Variants in SENP6 observed in about 807,000 individuals in gnomAD.
SENP6 encodes sentrin-specific protease 6.
A neutral mutation model predicts 134.5 loss-of-function variants in SENP6; 41 were observed. The ratio of observed to expected loss-of-function variants is 0.30; its 90% CI spans 0.24 to 0.40. The LOEUF (loss-of-function observed/expected upper bound fraction) is 0.40. Ranked by LOEUF, SENP6 falls within the 10% of genes least tolerant of loss-of-function variation. The pLI is 1.00. For synonymous variants in SENP6, 395 were observed against 429.8 expected, an observed-to-expected ratio of 0.92 and a Z score of 1.00; for missense variants, 1,248 against 1,312.5, an observed-to-expected ratio of 0.95 and a Z score of 0.76.
chr6:75,678,987 C>T, intron 16 of SENP6, 60 bp downstream of exon 16: 1 of 837,722 alleles, frequency 1.2e-6, no homozygotes, highest in Non-Finnish European at 1.9e-6. Flanking sequence ...TATCTTATGT[C>T]TTTGTTTTCC....
rs78199624 is a variant in SENP6 at position 75,712,700 on chromosome 6, G to C, written c.2910-813G>C. Among the ~76,000 whole-genome samples, 31 of 152,024 alleles carry C rather than the reference G, an allele frequency of 2.0e-4. No homozygotes were observed. The East Asian group carries it at 6.0e-3, about 29-fold the overall frequency. ...TCAATATTTATATACAGAGTTATAT[G>C]GAGTGTTCTACAGAGTGTTCTGAAG... On this transcript the variant is annotated intron_variant, in intron 21 of 23. Transcript: ENST00000447266.
intron 19 of SENP6, 125 bp downstream of exon 19, chr6:75,703,197 T>TA: frequency 1.2e-6 from 1 of 814,678 alleles, no homozygotes. Flanking sequence ...GGCTCACGCT[T>TA]ATAATCCCAG....
At chr6:75,691,819 C>T (rs1330427283) in intron 16 of SENP6, among the ~76,000 whole-genome samples, 1 of 152,036 alleles carries the variant, frequency 6.6e-6, no homozygotes, top group Non-Finnish European at 1.5e-5. Context: ...TGGTCTCGAT[C>T]TCCTGACCTC....
At position 75,629,353 on chromosome 6, in the gene SENP6, C is replaced by T. The variant is rs548743048; in HGVS notation, c.208-4228C>T. The stretch of plus-strand genomic sequence containing the variant: ...GTCTCCTGGCCCCCAGGCAGGAGTG[C>T]AGTGGCGCAATCTTGGCTCACTGCA... On this transcript the variant is annotated intron_variant, in intron 3 of 23. Coordinates refer to ENST00000447266, the MANE Select transcript of SENP6 (RefSeq NM_015571.4). 5.0e-4 allele frequency among the ~76,000 whole-genome samples: 76 copies of T among 152,116 alleles called. 1 individual carries two copies. The South Asian group carries it at 0.011, about 22-fold the overall frequency.
chr6:75,638,513 C>G (rs917770455), intron 5 of SENP6, among the ~76,000 whole-genome samples: 1 of 138,780 alleles, frequency 7.2e-6, no homozygotes, highest in Non-Finnish European at 1.5e-5. Context: ...CATTTTTTCT[C>G]AAGGATAAGA....
Position 75,602,100 on chromosome 6 carries a change from A to C in SENP6, c.-425A>C. ...CCGCTCCGGCGCGGCGGGTGCGGCC[A>C]TTTTACGGCCTGGGACGAAGGGAGG... On this transcript the variant is annotated 5_prime_UTR_variant, in exon 1 of 24. Coordinates refer to ENST00000447266, the MANE Select transcript of SENP6 (RefSeq NM_015571.4). 1.3e-5 allele frequency: 2 copies of C among 156,438 alleles called. No homozygotes were observed. The highest frequency in any genetic ancestry group is 6.5e-5 in the Admixed American group (1 of 15,380). The allele number at this position is 156,438 out of a possible 1,614,324, so 9.7% of individuals were successfully genotyped here. A position where few individuals can be genotyped will look rare whatever the true frequency, so the allele number is the denominator to read the frequency against.
At chr6:75,632,146 A>G (rs1245409892) in intron 3 of SENP6, among the ~76,000 whole-genome samples, 1 of 152,220 alleles carries the variant, frequency 6.6e-6, no homozygotes, top group African/African-American at 2.4e-5. Context: ...ATGAATTAGT[A>G]TGTACTTCCC....
intron 3 of SENP6, among the ~76,000 whole-genome samples, chr6:75,628,161 A>G (rs367828851): frequency 3.9e-5 from 6 of 152,234 alleles, no homozygotes; most frequent in African/African-American, 1.4e-4. Context: ...ACAGTTAGAA[A>G]TTTTATATTG....
intron 21 of SENP6, among the ~76,000 whole-genome samples, chr6:75,712,907 C>T (rs2149908442): frequency 6.6e-6 from 1 of 152,096 alleles, no homozygotes; most frequent in South Asian, 2.1e-4. Context: ...GAGTTCTATA[C>T]CAGCCTGGGC....
intron 2 of SENP6, among the ~76,000 whole-genome samples, chr6:75,623,161 G>A (rs868320963): frequency 1.3e-5 from 2 of 151,498 alleles, no homozygotes; most frequent in East Asian, 1.9e-4. Flanking sequence ...AGTTGTCTTC[G>A]AAAACGTTGT....
chr6:75,677,420 G>A lies in SENP6; in HGVS notation c.1848+164G>A, dbSNP rs1773166121. On this transcript the variant is annotated intron_variant, in intron 14 of 23. Transcript: ENST00000447266. ...TTGTAAACTACCTTGTGTCAAAACA[G>A]TGGTGGGTAGGTGCCAAATACCACT... The A allele has an allele frequency of 6.8e-6, 4 of 589,782 alleles. No homozygotes were observed. In the African/African-American group the frequency reaches 7.5e-5, roughly 11 times the overall value. The allele number at this position is 589,782 out of a possible 1,614,324, so 36.5% of individuals were successfully genotyped here. A position where few individuals can be genotyped will look rare whatever the true frequency, so the allele number is the denominator to read the frequency against.
At chr6:75,653,275 C>G (rs1323915551) in intron 7 of SENP6, among the ~76,000 whole-genome samples, 1 of 152,184 alleles carries the variant, frequency 6.6e-6, no homozygotes, top group Non-Finnish European at 1.5e-5. Flanking sequence ...AGGTGATCCC[C>G]CCGCCTCGGC....
rs146566386 is a variant in SENP6, at chr6:75,702,982, A to G, written c.2626A>G (p.Lys876Glu). ...TGCGAGTGAAAATGAAGAATTCAATAAAGGAGAATCTACATCCCAGAAAGT... is the reference window on the plus strand; with the variant it reads ...TGCGAGTGAAAATGAAGAATTCAATGAAGGAGAATCTACATCCCAGAAAGT... ...HTASENEEFN[K>E]GESTSQKVAD... The change falls in exon 19 of 24, where the codon AAA (lysine) becomes GAA (glutamate). Residue 876 changes from lysine to glutamate, a missense_variant. This residue lies in a region of SENP6 where 386 missense variants were observed against 395.0 expected (regional missense o/e 0.98). Transcript: ENST00000447266. The G allele has an allele frequency of 6.2e-6, 10 of 1,614,014 alleles. No individual in the cohort carries two copies. Among genetic ancestry groups the G allele is most frequent in the Non-Finnish European group, 7.6e-6 (9 of 1,179,880 alleles).
chr6:75,668,601 GT>G (rs1476398341), intron 10 of SENP6, among the ~76,000 whole-genome samples: 2 of 152,180 alleles, frequency 1.3e-5, no homozygotes, highest in African/African-American at 4.8e-5. Context: ...CTTGATCAGT[GT>G]TTGGAGAAGT....
In SENP6 at chr6:75,622,891, G is replaced by A. The variant is rs191797159; in HGVS notation, c.147-1009G>A. 121 of 1,016,542 alleles carry A rather than the reference G, an allele frequency of 1.2e-4. No individual in the cohort carries two copies. The African/African-American group carries it at 1.7e-3, about 15-fold the overall frequency. 63.0% of individuals were successfully genotyped at this position (1,016,542 alleles called of 1,614,324 possible). A position where few individuals can be genotyped will look rare whatever the true frequency, so the allele number is the denominator to read the frequency against. ...TCTCATTTAAAGTCAGTATTTTATG[G>A]TTTTCTTTCTTTCATTTCTTTTATA... On this transcript the variant is annotated intron_variant, in intron 2 of 23. Coordinates refer to ENST00000447266, the MANE Select transcript of SENP6 (RefSeq NM_015571.4).
At chr6:75,644,187 G>A (rs946323828) in intron 6 of SENP6, 1 of 151,682 alleles carries the variant, frequency 6.6e-6, no homozygotes, top group African/African-American at 2.4e-5. Context: ...TGTAAACTGT[G>A]TATGTTTTAT....
At chr6:75,658,996 AAAAAG>A (rs1354381450) in intron 7 of SENP6, among the ~76,000 whole-genome samples, 3 of 148,862 alleles carry the variant, frequency 2.0e-5, no homozygotes, top group Non-Finnish European at 4.5e-5. Flanking sequence ...AAAAAAAAAA[AAAAAG>A]GGGAATTGTG....
chr6:75,602,364 T>A lies in SENP6; in HGVS notation c.-161T>A. The A allele has an allele frequency of 2.5e-6, 2 of 803,562 alleles. No homozygotes were observed. The highest frequency in any genetic ancestry group is 3.9e-6 in the Non-Finnish European group (2 of 511,976). The allele number at this position is 803,562 out of a possible 1,614,324, so 49.8% of individuals were successfully genotyped here. On this transcript the variant is annotated 5_prime_UTR_variant, in exon 1 of 24. Coordinates refer to ENST00000447266, the MANE Select transcript of SENP6 (RefSeq NM_015571.4). ...CCCGGGCGCGCCTGGCCTGCCTTTG[T>A]ATAGGCCCGTCTGAACGTGGGAGCG...
Position 75,602,448 on chromosome 6 carries a change from G to C in SENP6, c.-77G>C. 4.0e-6 allele frequency: 6 copies of C among 1,513,710 alleles called. No individual in the cohort carries two copies. The highest frequency in any genetic ancestry group is 5.4e-6 in the Non-Finnish European group (6 of 1,116,596). 93.8% of individuals were successfully genotyped at this position (1,513,710 alleles called of 1,614,324 possible). On this transcript the variant is annotated 5_prime_UTR_variant, in exon 1 of 24. Coordinates refer to ENST00000447266, the MANE Select transcript of SENP6 (RefSeq NM_015571.4). ...ACCCTGCGGCGTCTACCCTCCTCCG[G>C]CGCGGCCCCTCATCCCGGCGAGCAC...
Sources: gnomAD v4.1 joint callset for allele counts (sites outside exome capture counted in the v4.1 genomes callset) on GRCh38, gnomAD v4.1.1 for gene constraint, gnomAD v4.1.1 regional missense constraint, MANE v1.5 for transcripts, NCBI Gene and HGNC (gene_info 2026-07-23, HGNC 2026-07-21) for gene names.